The following KCND2 variants were observed in gnomAD, a reference collection of about 807,000 sequenced individuals.
KCND2 encodes the protein A-type voltage-gated potassium channel KCND2.
In KCND2, 16 loss-of-function variants were observed where a neutral mutation model predicts 54.4. The ratio of observed to expected loss-of-function variants is 0.29; its 90% CI spans 0.20 to 0.45. KCND2 has a LOEUF of 0.45. Among genes scored for constraint, KCND2 ranks in the 20% least tolerant of loss-of-function variants. The probability of loss-of-function intolerance (pLI) is 1.00; values close to 1 mark genes in which losing one functional copy is unlikely to be tolerated. For synonymous variants in KCND2, 317 were observed against 310.7 expected (o/e 1.02, Z -0.21); for missense variants, 486 against 824.2 (o/e 0.59, Z 5.02).
At position 120,353,980 on chromosome 7, in the gene KCND2, T is replaced by A. The variant is rs544587416; in HGVS notation, c.1115+78233T>A. Reference sequence around the variant, plus strand: ...TATTAATTTTATAAAATCTCAACCTTTGAGATTTTAGTATCTTAATATTTT... The same window carrying A: ...TATTAATTTTATAAAATCTCAACCTATGAGATTTTAGTATCTTAATATTTT... On this transcript the variant is annotated intron_variant, in intron 1 of 5. Coordinates refer to ENST00000331113, the MANE Select transcript of KCND2 (RefSeq NM_012281.3). Among the ~76,000 whole-genome samples, 6 of 152,228 alleles carry A rather than the reference T, an allele frequency of 3.9e-5. No homozygotes were observed. The South Asian group carries it at 6.2e-4, about 16-fold the overall frequency.
intron 1 of KCND2, among the ~76,000 whole-genome samples, chr7:120,311,959 C>T (rs1397194989): frequency 6.6e-6 from 1 of 152,152 alleles, no homozygotes; most frequent in African/African-American, 2.4e-5. Flanking sequence ...GACTGGAGTG[C>T]AATGGCACAA....
intron 1 of KCND2, among the ~76,000 whole-genome samples, chr7:120,616,808 T>C (rs1793031178): frequency 6.6e-6 from 1 of 152,152 alleles, no homozygotes; most frequent in Non-Finnish European, 1.5e-5. Flanking sequence ...GGGTGACAAT[T>C]CAGCATCCTT....
chr7:120,598,606 TTG>T (rs1263666791), intron 1 of KCND2, among the ~76,000 whole-genome samples: 2 of 152,134 alleles, frequency 1.3e-5, no homozygotes, highest in Non-Finnish European at 2.9e-5. Context: ...GTTTGTTTCA[TTG>T]TGTTTTACAC....
At chr7:120,732,209 G>A (rs932341246) in intron 1 of KCND2, among the ~76,000 whole-genome samples, 20 of 152,184 alleles carry the variant, frequency 1.3e-4, no homozygotes, top group African/African-American at 4.8e-4. Context: ...CTAAGGTTTA[G>A]AAATCAGATA....
chr7:120,338,143 AT>A lies in KCND2; in HGVS notation c.1115+62398del, dbSNP rs148744755. On this transcript the variant is annotated intron_variant, in intron 1 of 5. Coordinates refer to ENST00000331113, the MANE Select transcript of KCND2 (RefSeq NM_012281.3). The stretch of plus-strand genomic sequence containing the variant: ...TAGGCATCATAATTATGAATATTTC[AT>A]TGTCTCATGTCATTTTATCACTTTT... 4.7e-3 allele frequency among the ~76,000 whole-genome samples: 715 copies of A among 152,228 alleles called. 2 individuals are homozygous for A. The highest frequency in any genetic ancestry group is 0.016 in the African/African-American group (668 of 41,556).
chr7:120,384,395 T>C (rs554810718), intron 1 of KCND2, among the ~76,000 whole-genome samples: 94 of 152,222 alleles, frequency 6.2e-4, no homozygotes, highest in African/African-American at 2.2e-3. Flanking sequence ...TATTTAAATA[T>C]ACAAGTTACC....
chr7:120,645,558 C>T (rs1793430526), intron 1 of KCND2, among the ~76,000 whole-genome samples: 1 of 151,942 alleles, frequency 6.6e-6, no homozygotes, highest in African/African-American at 2.4e-5. Context: ...TGCTGTGTCC[C>T]ATGGCTGACC....
chr7:120,658,359 C>A (rs908404029), intron 1 of KCND2, among the ~76,000 whole-genome samples: 1 of 152,068 alleles, frequency 6.6e-6, no homozygotes, highest in African/African-American at 2.4e-5. Flanking sequence ...AAAACAGATT[C>A]GTTATTTCAT....
chr7:120,347,594 C>G (rs1432132460), intron 1 of KCND2, among the ~76,000 whole-genome samples: 1 of 151,800 alleles, frequency 6.6e-6, no homozygotes, highest in Non-Finnish European at 1.5e-5. Flanking sequence ...CCCGTCTCTA[C>G]TAAAAACACA....
chr7:120,565,522 A>G (rs1438432554), intron 1 of KCND2, among the ~76,000 whole-genome samples: 4 of 152,190 alleles, frequency 2.6e-5, no homozygotes, highest in Non-Finnish European at 5.9e-5. Flanking sequence ...GTTGTGTAAC[A>G]AGGTTTCTCT....
intron 1 of KCND2, among the ~76,000 whole-genome samples, chr7:120,440,343 T>G (rs1801929965): frequency 6.6e-6 from 1 of 152,002 alleles, no homozygotes; most frequent in South Asian, 2.1e-4. Flanking sequence ...TTATTTAGGG[T>G]TTTGCTATTG....
At chr7:120,429,857 TA>T (rs1801765356) in intron 1 of KCND2, among the ~76,000 whole-genome samples, 2 of 152,228 alleles carry the variant, frequency 1.3e-5, no homozygotes, top group South Asian at 4.2e-4. Context: ...AATGACGTTT[TA>T]AAAAAATATA....
At chr7:120,363,728 GA>G (rs767368511) in intron 1 of KCND2, among the ~76,000 whole-genome samples, 8 of 152,036 alleles carry the variant, frequency 5.3e-5, no homozygotes, top group Non-Finnish European at 1.0e-4. Context: ...CAGTTTTACA[GA>G]GAATAAAAGT....
intron 1 of KCND2, among the ~76,000 whole-genome samples, chr7:120,308,291 T>C (rs1443807856): frequency 6.6e-6 from 1 of 152,074 alleles, no homozygotes; most frequent in Admixed American, 6.6e-5. Context: ...ATGGCTCCTA[T>C]AAAGGTCATA....
At chr7:120,711,990 A>G (rs1256287232) in intron 1 of KCND2, among the ~76,000 whole-genome samples, 1 of 152,056 alleles carries the variant, frequency 6.6e-6, no homozygotes, top group African/African-American at 2.4e-5. Flanking sequence ...GGTGAGTACT[A>G]TGCTTCATTC....
chr7:120,276,040 TA>T (rs1454782159), intron 1 of KCND2, among the ~76,000 whole-genome samples: 1 of 152,066 alleles, frequency 6.6e-6, no homozygotes, highest in Non-Finnish European at 1.5e-5. Context: ...TATTAATATA[TA>T]AAAATATGAC....
At chr7:120,449,077 C>T (rs1268694861) in intron 1 of KCND2, among the ~76,000 whole-genome samples, 1 of 152,114 alleles carries the variant, frequency 6.6e-6, no homozygotes, top group African/African-American at 2.4e-5. Flanking sequence ...TGCCTGTAAT[C>T]CCAGCACTTT....
intron 1 of KCND2, among the ~76,000 whole-genome samples, chr7:120,665,470 C>T (rs1437794039): frequency 1.3e-5 from 2 of 151,834 alleles, no homozygotes; most frequent in Admixed American, 6.6e-5. Context: ...TTTATTTTAC[C>T]GAGTTGAATA....
At chr7:120,670,175 G>A (rs1407572978) in intron 1 of KCND2, among the ~76,000 whole-genome samples, 1 of 151,968 alleles carries the variant, frequency 6.6e-6, no homozygotes, top group African/African-American at 2.4e-5. Flanking sequence ...AAAATAAAAA[G>A]TCATTGGTAA....
Sources: gnomAD v4.1 joint callset for allele counts (sites outside exome capture counted in the v4.1 genomes callset) on GRCh38, gnomAD v4.1.1 for gene constraint, MANE v1.5 for transcripts, NCBI Gene and HGNC (gene_info 2026-07-23, HGNC 2026-07-21) for gene names.